The following ADAMTS20 variants were observed in gnomAD, a reference collection of about 807,000 sequenced individuals.
The protein encoded by ADAMTS20 is ADAM metallopeptidase with thrombospondin type 1 motif 20.
In ADAMTS20, 225 loss-of-function variants were observed where a neutral mutation model predicts 260.1. That is an observed-to-expected ratio of 0.87 (90% CI 0.78 to 0.97). The LOEUF (loss-of-function observed/expected upper bound fraction) is 0.97, where lower values mean the gene tolerates loss of function less well. Among genes scored for constraint, ADAMTS20 ranks in the 50% least tolerant of loss-of-function variants. ADAMTS20 has a pLI of 0.00. For missense variants in ADAMTS20, 2,400 were observed against 2,337.7 expected, an observed-to-expected ratio of 1.03 and a Z score of -0.55; for synonymous variants, 802 against 769.5, an observed-to-expected ratio of 1.04 and a Z score of -0.70.
chr12:43,445,627 T>C (rs1941745377), intron 15 of ADAMTS20, among the ~76,000 whole-genome samples: 3 of 151,900 alleles, frequency 2.0e-5, no homozygotes, highest in Admixed American at 2.0e-4. Context: ...GAAGGATCCC[T>C]TGAGGCTAGG....
chr12:43,481,926 C>A (rs187698127), intron 7 of ADAMTS20, among the ~76,000 whole-genome samples: 1 of 152,096 alleles, frequency 6.6e-6, no homozygotes, highest in African/African-American at 2.4e-5. Context: ...ATGAACCAGA[C>A]GGAAAATGGA....
intron 4 of ADAMTS20, among the ~76,000 whole-genome samples, chr12:43,494,142 C>T (rs1942644781): frequency 6.6e-6 from 1 of 152,200 alleles, no homozygotes; most frequent in South Asian, 2.1e-4. Context: ...ATGAAATCTG[C>T]TTCTAAACCC....
At chr12:43,377,324 G>T in intron 32 of ADAMTS20, 41 bp downstream of exon 32, 2 of 1,529,532 alleles carry the variant, frequency 1.3e-6, no homozygotes, top group Non-Finnish European at 8.9e-7. Flanking sequence ...CACCTAGAAA[G>T]TCTTATTCAG....
intron 19 of ADAMTS20, 147 bp downstream of exon 19, chr12:43,434,098 C>T (rs1191007449): frequency 2.4e-6 from 2 of 832,374 alleles, no homozygotes; most frequent in Non-Finnish European, 3.6e-6. Context: ...TGAGTTTTAC[C>T]ATAAAATAGT....
chr12:43,364,899 C>T (rs1004491337), intron 37 of ADAMTS20, among the ~76,000 whole-genome samples: 2 of 151,546 alleles, frequency 1.3e-5, no homozygotes, highest in African/African-American at 4.9e-5. Context: ...ATTAATTTAC[C>T]CATCCAAGAA....
chr12:43,394,560 T>C (rs1940661523), intron 29 of ADAMTS20, among the ~76,000 whole-genome samples: 1 of 152,096 alleles, frequency 6.6e-6, no homozygotes, highest in Non-Finnish European at 1.5e-5. Flanking sequence ...GCAACAGACA[T>C]TTTTACATTA....
intron 3 of ADAMTS20, among the ~76,000 whole-genome samples, chr12:43,516,383 T>C (rs1943000678): frequency 6.6e-6 from 1 of 152,202 alleles, no homozygotes; most frequent in African/African-American, 2.4e-5. Flanking sequence ...ACTGCTTCCT[T>C]TTCATAAGCA....
chr12:43,452,772 T>C (rs554384788), intron 12 of ADAMTS20, 77 bp from the exon 13 acceptor site: 2 of 1,338,048 alleles, frequency 1.5e-6, no homozygotes, highest in South Asian at 3.2e-5. Context: ...GTTCCATTCT[T>C]TTCCAGGATC....
chr12:43,376,249 C>T lies in ADAMTS20; in HGVS notation c.5207G>A (p.Gly1736Glu). The change falls in exon 34 of 39, where the codon GGA (glycine) becomes GAA (glutamate). Residue 1736 changes from glycine to glutamate, a missense_variant. Transcript: ENST00000389420. ...KDGDYYLNIK[G>E]RIIKIYCADM... ...TTTTCATAATACCTTTATTATTCTTCCCTTAATGTTAAGGTAATAGTCACC... is the reference window on the plus strand; with the variant it reads ...TTTTCATAATACCTTTATTATTCTTTCCTTAATGTTAAGGTAATAGTCACC... The T allele has an allele frequency of 6.5e-7, 1 of 1,547,864 alleles. No homozygotes were observed. Among genetic ancestry groups the T allele is most frequent in the East Asian group, 2.4e-5 (1 of 42,036 alleles).
chr12:43,546,023 T>C (rs770660389), intron 2 of ADAMTS20, among the ~76,000 whole-genome samples: 9 of 152,248 alleles, frequency 5.9e-5, no homozygotes, highest in Non-Finnish European at 1.3e-4. Context: ...ATTAGTTTTC[T>C]CAATAAGAAA....
At chr12:43,453,805 A>C in intron 12 of ADAMTS20, 102 bp downstream of exon 12, 2 of 1,338,144 alleles carry the variant, frequency 1.5e-6, no homozygotes, top group Non-Finnish European at 2.0e-6. Context: ...GAATCTCAGA[A>C]ACTTACGGAC....
At chr12:43,434,751 C>A (rs759647396) in intron 18 of ADAMTS20, among the ~76,000 whole-genome samples, 1 of 152,132 alleles carries the variant, frequency 6.6e-6, no homozygotes, top group African/African-American at 2.4e-5. Context: ...CCCATTTTCC[C>A]ATAAGAGGAT....
chr12:43,383,623 G>A lies in ADAMTS20; in HGVS notation c.4732C>T (p.Leu1578Phe). The part of the protein sequence containing the change: ...EIVYNSSTIS[L>F]TSKNCRNPPC... ...GGGTTCCTGCAATTCTTGGATGTAA[G>A]AGATATGGTTGAAGAATTATAGACT... The change falls in exon 31 of 39, where the codon CTT becomes TTT. Residue 1578 changes from leucine (L) to phenylalanine (F), a missense_variant. Physicochemically the swap from Leu to Phe is conservative, Grantham distance 22 (BLOSUM62 0). Transcript: ENST00000389420. 6.2e-7 allele frequency: 1 copy of A among 1,613,816 alleles called. No homozygotes were observed. The highest frequency in any genetic ancestry group is 8.5e-7 in the Non-Finnish European group (1 of 1,179,816).
intron 7 of ADAMTS20, among the ~76,000 whole-genome samples, chr12:43,489,424 A>T (rs985375679): frequency 6.6e-6 from 1 of 152,102 alleles, no homozygotes; most frequent in South Asian, 2.1e-4. Flanking sequence ...CAAATACCAC[A>T]CCACAAATAT....
At chr12:43,460,555 T>A (rs1189916030) in intron 11 of ADAMTS20, among the ~76,000 whole-genome samples, 2 of 152,174 alleles carry the variant, frequency 1.3e-5, no homozygotes, top group African/African-American at 4.8e-5. Flanking sequence ...ATGTTAAACA[T>A]ACACTCACCC....
chr12:43,546,878 AT>A (rs1214906789), intron 2 of ADAMTS20, among the ~76,000 whole-genome samples: 4 of 152,314 alleles, frequency 2.6e-5, no homozygotes, highest in Non-Finnish European at 5.9e-5. Flanking sequence ...CTTATGGAAA[AT>A]AAAAATTATA....
chr12:43,479,406 G>A (rs1022364053), intron 7 of ADAMTS20, among the ~76,000 whole-genome samples: 4 of 151,924 alleles, frequency 2.6e-5, no homozygotes, highest in African/African-American at 9.7e-5. Context: ...AAGTATACAT[G>A]GAGTATTTTC....
At chr12:43,430,266 A>T in intron 23 of ADAMTS20, 86 bp downstream of exon 23, 1 of 1,446,724 alleles carries the variant, frequency 6.9e-7, no homozygotes, top group Non-Finnish European at 9.2e-7. Flanking sequence ...TTAAGTGGAA[A>T]AAAATAAGTA....
rs970979200 is a variant in ADAMTS20 at position 43,452,505 on chromosome 12, T to C, written c.1942+9A>G. 2.5e-6 allele frequency: 4 copies of C among 1,609,076 alleles called. No individual in the cohort carries two copies. Among genetic ancestry groups the C allele is most frequent in the Non-Finnish European group, 3.4e-6 (4 of 1,176,892 alleles). Reference sequence around the variant, plus strand: ...AATTTACATCAAAGAACCAGCATAATTTACTTACTGCCACTGTATCTTGGA... The same window carrying C: ...AATTTACATCAAAGAACCAGCATAACTTACTTACTGCCACTGTATCTTGGA... On this transcript the variant is annotated intron_variant, in intron 13 of 38. Transcript: ENST00000389420.
Sources: gnomAD v4.1 joint callset for allele counts (sites outside exome capture counted in the v4.1 genomes callset) on GRCh38, gnomAD v4.1.1 for gene constraint, MANE v1.5 for transcripts, NCBI Gene and HGNC (gene_info 2026-07-23, HGNC 2026-07-21) for gene names.